NPHP4: variants seen among roughly 807,000 people sequenced by gnomAD.
NPHP4 encodes the protein nephrocystin-4.
A neutral mutation model predicts 155.8 loss-of-function variants in NPHP4; 151 were observed. That is an observed-to-expected ratio of 0.97 (90% CI 0.85 to 1.11). The LOEUF (loss-of-function observed/expected upper bound fraction) is 1.11, where lower values mean the gene tolerates loss of function less well. NPHP4 is among the 50% of genes least tolerant of loss of function. NPHP4 has a pLI of 0.00. For missense variants in NPHP4, 1,956 were observed against 1,925.7 expected (o/e 1.02, Z -0.29); for synonymous variants, 845 against 816.8 (o/e 1.03, Z -0.59).
chr1:5,914,507 G>C (rs1272453215), intron 11 of NPHP4, among the ~76,000 whole-genome samples: 1 of 152,160 alleles, frequency 6.6e-6, no homozygotes, highest in African/African-American at 2.4e-5. Context: ...TCCTGACCTA[G>C]GGTTTCACTG....
chr1:5,886,163 T>C (rs1478920154), intron 18 of NPHP4, among the ~76,000 whole-genome samples: 1 of 152,222 alleles, frequency 6.6e-6, no homozygotes, highest in Non-Finnish European at 1.5e-5. Context: ...GCAACTCCCT[T>C]AGTTGCATGA....
intron 19 of NPHP4, chr1:5,877,606 GA>G (rs529921558): frequency 8.7e-5 from 24 of 275,084 alleles, no homozygotes; most frequent in African/African-American, 4.3e-4. Flanking sequence ...CCACGTTCTA[GA>G]AGCCCATGCT....
intron 4 of NPHP4, among the ~76,000 whole-genome samples, chr1:5,968,206 G>C (rs1008427123): frequency 6.6e-6 from 1 of 152,088 alleles, no homozygotes; most frequent in African/African-American, 2.4e-5. Context: ...ATCAGTGCTA[G>C]AGTACAACTT....
At position 5,978,429 on chromosome 1, in the gene NPHP4, G is replaced by A. The variant is rs769235418; in HGVS notation, c.136-16C>T. 2.5e-6 allele frequency: 4 copies of A among 1,594,326 alleles called. No homozygotes were observed. Among genetic ancestry groups the A allele is most frequent in the East Asian group, 4.6e-5 (2 of 43,918 alleles). ...CCAGCACGCCCTAGGAGACAACGGG[G>A]AATTGACCCTCAAGAGTCTGAGCAC... On this transcript the variant is annotated splice_polypyrimidine_tract_variant and intron_variant, in intron 2 of 29. Transcript: ENST00000378156.
chr1:5,935,406 T>C (rs1163651701), intron 9 of NPHP4, among the ~76,000 whole-genome samples: 1 of 152,064 alleles, frequency 6.6e-6, no homozygotes, highest in Non-Finnish European at 1.5e-5. Flanking sequence ...GGACATAGAA[T>C]CAGAAAAGTA....
intron 1 of NPHP4, among the ~76,000 whole-genome samples, chr1:5,990,852 A>G (rs1570784284): frequency 1.3e-5 from 2 of 152,260 alleles, no homozygotes; most frequent in South Asian, 4.1e-4. Context: ...CCAACCTCCA[A>G]AATGAGAGCT....
chr1:5,988,346 C>G (rs1570775395), intron 1 of NPHP4, among the ~76,000 whole-genome samples: 2 of 152,320 alleles, frequency 1.3e-5, no homozygotes, highest in African/African-American at 2.4e-5. Context: ...AGGCAACAGA[C>G]TGAGTACAGA....
intron 11 of NPHP4, among the ~76,000 whole-genome samples, chr1:5,918,661 C>T (rs1645588270): frequency 6.6e-6 from 1 of 152,014 alleles, no homozygotes; most frequent in South Asian, 2.1e-4. Context: ...AGATAGAAAG[C>T]GAAGGAAGGA....
intron 3 of NPHP4, among the ~76,000 whole-genome samples, chr1:5,973,178 C>T (rs1652897905): frequency 6.6e-6 from 1 of 152,242 alleles, no homozygotes; most frequent in Admixed American, 6.5e-5. Context: ...AGCCACTGCA[C>T]CCGGCCTCAA....
At chr1:5,901,311 T>C (rs1644669761) in intron 16 of NPHP4, among the ~76,000 whole-genome samples, 1 of 152,224 alleles carries the variant, frequency 6.6e-6, no homozygotes, top group South Asian at 2.1e-4. Context: ...GGCTCAGTCC[T>C]GAACTGATGC....
chr1:5,874,344 G>A, intron 22 of NPHP4, 127 bp downstream of exon 22: 3 of 905,486 alleles, frequency 3.3e-6, no homozygotes, highest in Non-Finnish European at 4.8e-6. Flanking sequence ...CAAGGGGAGT[G>A]GGCGGCAGCC....
rs1210893871 is a variant in NPHP4 at position 5,905,387 on chromosome 1, G to A, written c.1860C>T (p.Val620=). 5.6e-6 allele frequency: 9 copies of A among 1,613,350 alleles called. No homozygotes were observed. In the South Asian group the frequency reaches 8.8e-5, roughly 16 times the overall value. The change falls in exon 15 of 30, where the codon GTC becomes GTT. Residue 620 remains valine (V), a synonymous_variant. Transcript: ENST00000378156. This position sits in a 1 kb window ranked among gnomAD's most constrained non-coding sequence, Gnocchi z 4.0. ...LDANKQPAEA[V]SATEPVTFNP... is the part of the protein sequence containing the mutation. ...TAAACGTCACAGGTTCTGTAGCGCT[G>A]ACAGCCTCGGCTGGCTGTTTATTGG... is the stretch of plus-strand genomic sequence containing the variant.
At chr1:5,965,418 G>T (rs1220320392) in intron 5 of NPHP4, among the ~76,000 whole-genome samples, 1 of 152,098 alleles carries the variant, frequency 6.6e-6, no homozygotes, top group African/African-American at 2.4e-5. Context: ...GAGCGAATGT[G>T]GTGGCTGTCT....
At chr1:5,897,390 A>G (rs1345247397) in intron 16 of NPHP4, among the ~76,000 whole-genome samples, 2 of 152,188 alleles carry the variant, frequency 1.3e-5, no homozygotes, top group Non-Finnish European at 2.9e-5. Flanking sequence ...TTAACCAAGC[A>G]ACCGAATCAG....
At chr1:5,947,871 A>C (rs554129544) in intron 8 of NPHP4, among the ~76,000 whole-genome samples, 199 bp downstream of exon 8, 1 of 150,584 alleles carries the variant, frequency 6.6e-6, no homozygotes, top group Non-Finnish European at 1.5e-5. Context: ...CAGAGCACAA[A>C]AGGAAAAAAA....
intron 2 of NPHP4, 58 bp downstream of exon 2, chr1:5,986,097 G>T: frequency 6.3e-7 from 1 of 1,594,222 alleles, no homozygotes; most frequent in South Asian, 1.1e-5. Context: ...CTGTTAACTG[G>T]AAGCCTCATG....
At chr1:5,893,071 G>T (rs2100956560) in intron 16 of NPHP4, among the ~76,000 whole-genome samples, 1 of 152,300 alleles carries the variant, frequency 6.6e-6, no homozygotes, top group East Asian at 1.9e-4. Flanking sequence ...GGGGTGCAGG[G>T]ATCGACCTTA....
At position 5,905,711 on chromosome 1, in the gene NPHP4, T is replaced by G; in HGVS notation, c.1684A>C (p.Thr562Pro). ...TCCTGTAACTGTTCGGCAATGGATGTTTCCAGGACCAGGGAGGTCTGGCTC... is the reference window on the plus strand; with the variant it reads ...TCCTGTAACTGTTCGGCAATGGATGGTTCCAGGACCAGGGAGGTCTGGCTC... ...DLSQTSLVLE[T>P]SIAEQLQELP... The change falls in exon 14 of 30, where the codon ACA (threonine) becomes CCA (proline). Residue 562 changes from threonine to proline, a missense_variant. Coordinates refer to ENST00000378156, the MANE Select transcript of NPHP4 (RefSeq NM_015102.5). The surrounding 1 kb of genome is among the most constrained non-coding windows in gnomAD (Gnocchi z 4.0). The G allele has an allele frequency of 6.2e-7, 1 of 1,613,824 alleles. No individual in the cohort carries two copies. Among genetic ancestry groups the G allele is most frequent in the Non-Finnish European group, 8.5e-7 (1 of 1,179,810 alleles).
chr1:5,933,188 G>A lies in NPHP4; in HGVS notation c.1261C>T (p.Leu421=). The A allele has an allele frequency of 6.2e-7, 1 of 1,612,830 alleles. No individual in the cohort carries two copies. Among genetic ancestry groups the A allele is most frequent in the Non-Finnish European group, 8.5e-7 (1 of 1,179,042 alleles). The change falls in exon 10 of 30, where the codon CTG becomes TTG. Residue 421 remains leucine, a synonymous_variant. Transcript: ENST00000378156. Reference sequence around the variant, plus strand: ...CTGGCTGAGGGTACCTTGTAGACCAGACAGTGCGAGGGGTTGGGCTGGATC... The same window carrying A: ...CTGGCTGAGGGTACCTTGTAGACCAAACAGTGCGAGGGGTTGGGCTGGATC... ...GGIQPNPSHC[L]VYKVPSASMS...
Sources: allele counts gnomAD v4.1 joint callset (sites outside exome capture counted in the v4.1 genomes callset), GRCh38; gene constraint gnomAD v4.1.1; non-coding constraint Gnocchi (gnomAD v3.1); transcripts MANE v1.5; gene names NCBI Gene and HGNC (gene_info 2026-07-23, HGNC 2026-07-21).